Variants in LONRF1 observed in about 807,000 individuals in gnomAD.
LONRF1 encodes LON peptidase N-terminal domain and ring finger 1.
In LONRF1, 37 loss-of-function variants were observed where a neutral mutation model predicts 85.8. That is an observed-to-expected ratio of 0.43 (90% CI 0.33 to 0.57). The LOEUF is 0.57. LONRF1 is among the 20% of genes least tolerant of loss of function. The probability of loss-of-function intolerance (pLI) is 0.04; values close to 1 mark genes in which losing one functional copy is unlikely to be tolerated. For missense variants in LONRF1, 1,036 were observed against 978.0 expected (o/e 1.06, Z -0.79); for synonymous variants, 517 against 390.1 (o/e 1.33, Z -3.83).
In LONRF1 at chr8:12,731,698, G is replaced by A. The variant is rs1002839389; in HGVS notation, c.1688+38C>T. On this transcript the variant is annotated intron_variant, in intron 8 of 11. Coordinates refer to ENST00000398246, the MANE Select transcript of LONRF1 (RefSeq NM_152271.5). ...TGAGGTTTTTCCTTACTATTAAAGGGTAGTAGTTCATAATTTTTTTTATGA... is the reference window on the plus strand; with the variant it reads ...TGAGGTTTTTCCTTACTATTAAAGGATAGTAGTTCATAATTTTTTTTATGA... The A allele has an allele frequency of 5.7e-6, 9 of 1,576,238 alleles. No homozygotes were observed. The African/African-American group carries it at 6.8e-5, about 12-fold the overall frequency.
At chr8:12,751,386 A>T (rs1443706112) in intron 1 of LONRF1, among the ~76,000 whole-genome samples, 9 of 131,396 alleles carry the variant, frequency 6.8e-5, no homozygotes, top group Non-Finnish European at 1.2e-4. Flanking sequence ...AGCTAACTGC[A>T]ACCTCCACTT....
chr8:12,751,296 G>GTTTTTTTTTTTTTTTGTT (rs1799381588), intron 1 of LONRF1, among the ~76,000 whole-genome samples: 2 of 69,558 alleles, frequency 2.9e-5, no homozygotes, highest in African/African-American at 5.1e-5. Flanking sequence ...TTATTTTTAT[G>GTTTTTTTTTTTTTTTGTT]TTTTTTTTTT....
At chr8:12,747,433 G>C (rs1799206376) in intron 1 of LONRF1, among the ~76,000 whole-genome samples, 2 of 152,096 alleles carry the variant, frequency 1.3e-5, no homozygotes, top group Admixed American at 6.5e-5. Flanking sequence ...GAAAAATATA[G>C]AAATAAGAGG....
At chr8:12,751,161 T>A (rs1219141724) in intron 1 of LONRF1, among the ~76,000 whole-genome samples, 1 of 152,132 alleles carries the variant, frequency 6.6e-6, no homozygotes, top group African/African-American at 2.4e-5. Flanking sequence ...TGCATGTCTA[T>A]CCATAGATGC....
At chr8:12,726,282 G>C (rs1283469380) in intron 10 of LONRF1, among the ~76,000 whole-genome samples, 2 of 152,112 alleles carry the variant, frequency 1.3e-5, no homozygotes, top group Non-Finnish European at 2.9e-5. Flanking sequence ...AAAAAGAAAA[G>C]ATAAGTAGTT....
rs1285288686 is a variant in LONRF1, at chr8:12,731,255, C to CA, written c.1688+480dup. Among the ~76,000 whole-genome samples the CA allele has an allele frequency of 2.6e-5, 4 of 152,230 alleles. No homozygotes were observed. The East Asian group carries it at 7.7e-4, about 29-fold the overall frequency. ...CAGTTGTGCTCCCAGTCAGTATCTTCATTAATTGAGGATTTGGCCCTGAAC... is the reference window on the plus strand; with the variant it reads ...CAGTTGTGCTCCCAGTCAGTATCTTCAATTAATTGAGGATTTGGCCCTGAAC... On this transcript the variant is annotated intron_variant, in intron 8 of 11. Transcript: ENST00000398246.
At chr8:12,729,799 G>T (rs1000933028) in intron 8 of LONRF1, among the ~76,000 whole-genome samples, 1 of 152,082 alleles carries the variant, frequency 6.6e-6, no homozygotes, top group African/African-American at 2.4e-5. Flanking sequence ...ATTTTCAAAC[G>T]CAAGGATAAG....
intron 1 of LONRF1, 139 bp downstream of exon 1, chr8:12,754,561 C>G: frequency 3.8e-6 from 4 of 1,045,820 alleles, no homozygotes. Context: ...CCCAGCACCC[C>G]GAGACCCGAC....
intron 7 of LONRF1, among the ~76,000 whole-genome samples, chr8:12,733,544 C>T (rs1275092593): frequency 1.3e-5 from 2 of 152,128 alleles, no homozygotes; most frequent in African/African-American, 2.4e-5. Context: ...TCACCCACTA[C>T]TGAGTAGAGG....
chr8:12,737,133 T>C lies in LONRF1; in HGVS notation c.1121A>G (p.Glu374Gly), dbSNP rs570672974. ...LNEPSPKQSE[E>G]IPEVTSEPVK... ...AGGCTCTGAAGTGACCTCTGGTATT[T>C]CTTCACTCTACAAAAATACAATAAA... The change falls in exon 5 of 12, where the codon GAA (glutamate) becomes GGA (glycine). Residue 374 changes from glutamate to glycine, a missense_variant. This residue lies in a region of LONRF1 where 742 missense variants were observed against 614.4 expected (regional missense o/e 1.21). Coordinates refer to ENST00000398246, the MANE Select transcript of LONRF1 (RefSeq NM_152271.5). 21 of 1,610,910 alleles carry C rather than the reference T, an allele frequency of 1.3e-5. No individual in the cohort carries two copies. The East Asian group carries it at 4.5e-4, about 34-fold the overall frequency.
intron 3 of LONRF1, among the ~76,000 whole-genome samples, chr8:12,740,094 C>T (rs540692919): frequency 6.6e-6 from 1 of 152,062 alleles, no homozygotes; most frequent in South Asian, 2.1e-4. Flanking sequence ...AACATGATCC[C>T]CACATGATTC....
At position 12,729,237 on chromosome 8, in the gene LONRF1, A is replaced by G. The variant is rs745604762; in HGVS notation, c.1784T>C (p.Ile595Thr). Residue 595 changes from isoleucine (I) to threonine (T), a missense_variant, in exon 9 of 12, where the codon ATT (isoleucine) becomes ACT (threonine). Around this residue, in one of 3 missense-constraint regions of LONRF1, gnomAD observed 265 missense variants for 301.5 expected, o/e 0.88. Transcript: ENST00000398246. ...HVFEPRYRLM[I>T]RRSIQTGTKQ... The stretch of plus-strand genomic sequence containing the variant: ...GGTTCCAGTCTGTATACTTCTTCGA[A>G]TCATCAATCTGTATCTTGGCTCAAA... 13 of 1,613,998 alleles carry G rather than the reference A, an allele frequency of 8.1e-6. No homozygotes were observed. The highest frequency in any genetic ancestry group is 1.1e-5 in the Non-Finnish European group (13 of 1,179,904).
chr8:12,727,119 C>CTTTT (rs368812604), intron 10 of LONRF1: 66 of 133,820 alleles, frequency 4.9e-4, no homozygotes, highest in Middle Eastern at 5.6e-3. Flanking sequence ...CTTGTTAAAT[C>CTTTT]TTTTTTTTTT....
intron 7 of LONRF1, among the ~76,000 whole-genome samples, chr8:12,732,811 T>C (rs895021323): frequency 1.3e-5 from 2 of 152,128 alleles, no homozygotes; most frequent in African/African-American, 4.8e-5. Flanking sequence ...ATGGTCAGGG[T>C]GTATGCACAG....
chr8:12,754,748 C>A lies in LONRF1; in HGVS notation c.673G>T (p.Gly225Trp). 6.9e-7 allele frequency: 1 copy of A among 1,446,356 alleles called. No homozygotes were observed. 89.6% of individuals were successfully genotyped at this position (1,446,356 alleles called of 1,614,324 possible). A position where few individuals can be genotyped will look rare whatever the true frequency, so the allele number is the denominator to read the frequency against. ...AGRLGELLHQGRYREALAAAC... is the reference protein window; with the variant it reads ...AGRLGELLHQWRYREALAAAC... ...GCGGCCAGGGCCTCCCGGTAGCGCC[C>A]CTGGTGCAGTAGCTCCCCGAGCCTG... is the stretch of plus-strand genomic sequence containing the variant. Residue 225 changes from glycine to tryptophan, a missense_variant, in exon 1 of 12, where the codon GGG becomes TGG. Around this residue, in one of 3 missense-constraint regions of LONRF1, gnomAD observed 742 missense variants for 614.4 expected, o/e 1.21. Coordinates refer to ENST00000398246, the MANE Select transcript of LONRF1 (RefSeq NM_152271.5).
At chr8:12,728,842 G>T (rs916705280) in intron 10 of LONRF1, 59 bp downstream of exon 10, 1 of 1,594,922 alleles carries the variant, frequency 6.3e-7, no homozygotes, top group Non-Finnish European at 8.6e-7. Flanking sequence ...CTGCATGCCT[G>T]TACCAATCCC....
At chr8:12,734,291 T>C (rs577904849) in intron 7 of LONRF1, among the ~76,000 whole-genome samples, 16 of 152,330 alleles carry the variant, frequency 1.1e-4, no homozygotes, top group Admixed American at 3.9e-4. Context: ...GTAAGACACA[T>C]ATCAAATGTA....
chr8:12,740,631 C>T (rs1361759389), intron 3 of LONRF1, among the ~76,000 whole-genome samples: 1 of 152,124 alleles, frequency 6.6e-6, no homozygotes, highest in Non-Finnish European at 1.5e-5. Flanking sequence ...TCAGATTGAA[C>T]AAACTATTAG....
In LONRF1 at chr8:12,728,996, C is replaced by A; in HGVS notation, c.1915G>T (p.Val639Phe). The A allele has an allele frequency of 6.2e-7, 1 of 1,614,066 alleles. No homozygotes were observed. Among genetic ancestry groups the A allele is most frequent in the Non-Finnish European group, 8.5e-7 (1 of 1,179,922 alleles). The change falls in exon 10 of 12, where the codon GTT (valine) becomes TTT (phenylalanine). Residue 639 changes from valine to phenylalanine, a missense_variant. Transcript: ENST00000398246. ...AACCGCTTTCCTCCAACTGTATCAA[C>A]CACAGACCTTCCGTCCGGTAAGAAA... ...VHFLPDGRSV[V>F]DTVGGKRFRV... is the part of the protein sequence containing the mutation.
Sources: gnomAD v4.1 joint callset for allele counts (sites outside exome capture counted in the v4.1 genomes callset) on GRCh38, gnomAD v4.1.1 for gene constraint, gnomAD v4.1.1 regional missense constraint, MANE v1.5 for transcripts, NCBI Gene and HGNC (gene_info 2026-07-23, HGNC 2026-07-21) for gene names.